FGF4: variants seen among roughly 807,000 people sequenced by gnomAD.
FGF4 encodes heparin secretory transforming protein 1.
In FGF4, 9 loss-of-function variants were observed where a neutral mutation model predicts 15.7. The observed-to-expected ratio is 0.57, with a 90% CI of 0.35 to 1.00. The LOEUF (loss-of-function observed/expected upper bound fraction) is 1.00. FGF4 is among the 50% of genes least tolerant of loss of function. FGF4 has a pLI of 0.02. For synonymous variants in FGF4, 164 were observed against 144.8 expected (o/e 1.13, Z -0.95); for missense variants, 286 against 297.3 (o/e 0.96, Z 0.28).
Position 69,775,204 on chromosome 11 carries a change from C to T in FGF4, c.-120G>A. ...CCGACCTCGGGCAGGAGTGCGCAAC[C>T]GAGGAGGTGCGGGAGGCAAGCGACG... is the stretch of plus-strand genomic sequence containing the variant. On this transcript the variant is annotated 5_prime_UTR_variant, in exon 1 of 3. Transcript: ENST00000168712. 1.6e-6 allele frequency: 1 copy of T among 633,656 alleles called. No individual in the cohort carries two copies. Among genetic ancestry groups the T allele is most frequent in the Non-Finnish European group, 2.3e-6 (1 of 442,084 alleles). 39.3% of individuals were successfully genotyped at this position (633,656 alleles called of 1,614,324 possible). A position where few individuals can be genotyped will look rare whatever the true frequency, so the allele number is the denominator to read the frequency against.
Position 69,773,123 on chromosome 11 carries a change from T to G in FGF4, c.*186A>C. 4.1e-6 allele frequency: 2 copies of G among 484,938 alleles called. No individual in the cohort carries two copies. Among genetic ancestry groups the G allele is most frequent in the Non-Finnish European group, 7.2e-6 (2 of 278,380 alleles). 30.0% of individuals were successfully genotyped at this position (484,938 alleles called of 1,614,324 possible). A position where few individuals can be genotyped will look rare whatever the true frequency, so the allele number is the denominator to read the frequency against. On this transcript the variant is annotated 3_prime_UTR_variant, in exon 3 of 3. Coordinates refer to ENST00000168712, the MANE Select transcript of FGF4 (RefSeq NM_002007.4). The stretch of plus-strand genomic sequence containing the variant: ...TTTGTCTTTTTTTCCCCCCAGAAAA[T>G]TAAAAAACACACCCGCAGAACTATA...
At chr11:69,774,466 C>T (rs1234494893) in intron 1 of FGF4, among the ~76,000 whole-genome samples, 1 of 152,210 alleles carries the variant, frequency 6.6e-6, no homozygotes, top group Non-Finnish European at 1.5e-5. Context: ...CACCGCGCGC[C>T]CTGTGCCCAC....
rs1328765335 is a variant in FGF4, at chr11:69,774,216, G to C, written c.341-89C>G. 3.7e-6 allele frequency: 4 copies of C among 1,095,782 alleles called. 1 individual carries two copies. The East Asian group carries it at 9.9e-5, about 27-fold the overall frequency. The allele number at this position is 1,095,782 out of a possible 1,614,324, so 67.9% of individuals were successfully genotyped here. ...GTTCGCCTCCGGGGACCCTATTTCT[G>C]GGGTGGGGTTGGGGATAAAGGGCCA... On this transcript the variant is annotated intron_variant, in intron 1 of 2. Coordinates refer to ENST00000168712, the MANE Select transcript of FGF4 (RefSeq NM_002007.4).
rs1275060596 is a variant in FGF4 at position 69,773,118 on chromosome 11, G to C, written c.*191C>G. On this transcript the variant is annotated 3_prime_UTR_variant, in exon 3 of 3. Transcript: ENST00000168712. ...TTTGTTTTGTCTTTTTTTCCCCCCA[G>C]AAAATTAAAAAACACACCCGCAGAA... 2 of 482,292 alleles carry C rather than the reference G, an allele frequency of 4.1e-6. No individual in the cohort carries two copies. Among genetic ancestry groups the C allele is most frequent in the Non-Finnish European group, 7.2e-6 (2 of 276,052 alleles). 29.9% of individuals were successfully genotyped at this position (482,292 alleles called of 1,614,324 possible).
chr11:69,774,990 G>A lies in FGF4; in HGVS notation c.95C>T (p.Pro32Leu), dbSNP rs769732384. 2 of 1,458,668 alleles carry A rather than the reference G, an allele frequency of 1.4e-6. No individual in the cohort carries two copies. The highest frequency in any genetic ancestry group is 1.8e-6 in the Non-Finnish European group (2 of 1,112,378). The allele number at this position is 1,458,668 out of a possible 1,614,324, so 90.4% of individuals were successfully genotyped here. A position where few individuals can be genotyped will look rare whatever the true frequency, so the allele number is the denominator to read the frequency against. ...PWAGRGGAAA[P>L]TAPNGTLEAE... is the part of the protein sequence containing the mutation. ...CTCCAGCGTGCCGTTGGGTGCAGTG[G>A]GTGCGGCGGCGCCCCCTCGGCCCGC... The change falls in exon 1 of 3, where the codon CCC becomes CTC. Residue 32 changes from proline (P) to leucine (L), a missense_variant. Physicochemically the swap from Pro to Leu is moderately conservative, Grantham distance 98. Coordinates refer to ENST00000168712, the MANE Select transcript of FGF4 (RefSeq NM_002007.4).
intron 2 of FGF4, 96 bp from the exon 3 acceptor site, chr11:69,773,581 C>T (rs1299498165): frequency 1.8e-6 from 2 of 1,090,756 alleles, no homozygotes; most frequent in Non-Finnish European, 1.4e-6. Flanking sequence ...GTCCCACCCC[C>T]CACCCTGGGC....
At position 69,773,358 on chromosome 11, in the gene FGF4, T is replaced by C. The variant is rs1855597766; in HGVS notation, c.572A>G (p.Asn191Ser). Residue 191 changes from asparagine (N) to serine (S), a missense_variant, in exon 3 of 3, where the codon AAC becomes AGC. Asn to Ser is a conservative substitution (Grantham distance 46, BLOSUM62 1). Coordinates refer to ENST00000168712, the MANE Select transcript of FGF4 (RefSeq NM_002007.4). ...LSKNGKTKKG[N>S]RVSPTMKVTH... ...GACCTTCATGGTGGGCGACACTCGG[T>C]TCCCCTTCTTGGTCTTCCCATTCTT... 1 of 1,614,028 alleles carries C rather than the reference T, an allele frequency of 6.2e-7. No homozygotes were observed. Among genetic ancestry groups the C allele is most frequent in the African/African-American group, 1.3e-5 (1 of 74,914 alleles).
In FGF4 at chr11:69,773,384, G is replaced by A; in HGVS notation, c.546C>T (p.Ser182=). The A allele has an allele frequency of 5.6e-6, 9 of 1,614,162 alleles. No homozygotes were observed. The highest frequency in any genetic ancestry group is 7.6e-6 in the Non-Finnish European group (9 of 1,180,030). ...TCCCCTTCTTGGTCTTCCCATTCTT[G>A]CTCAGGGCGATGAACATGCCGGGGT... The part of the protein sequence containing the change: ...YKYPGMFIAL[S]KNGKTKKGNR... Residue 182 remains serine (S), a synonymous_variant, in exon 3 of 3, where the codon AGC becomes AGT. Coordinates refer to ENST00000168712, the MANE Select transcript of FGF4 (RefSeq NM_002007.4).
In FGF4 at chr11:69,775,155, G is replaced by A. The variant is rs1279120729; in HGVS notation, c.-71C>T. 3 of 1,045,352 alleles carry A rather than the reference G, an allele frequency of 2.9e-6. No individual in the cohort carries two copies. Among genetic ancestry groups the A allele is most frequent in the Admixed American group, 4.3e-5 (1 of 23,050 alleles). 64.8% of individuals were successfully genotyped at this position (1,045,352 alleles called of 1,614,324 possible). On this transcript the variant is annotated 5_prime_UTR_variant, in exon 1 of 3. Transcript: ENST00000168712. ...GAAGCTGGGGGGCAGAGCTGCGCCT[G>A]TGGCGTCCCGCGGGAGCGCACGGCC...
At position 69,774,932 on chromosome 11, in the gene FGF4, C is replaced by T. The variant is rs569711688; in HGVS notation, c.153G>A (p.Val51=). The T allele has an allele frequency of 5.4e-6, 8 of 1,481,328 alleles. No individual in the cohort carries two copies. The East Asian group carries it at 2.4e-4, about 44-fold the overall frequency. 91.8% of individuals were successfully genotyped at this position (1,481,328 alleles called of 1,614,324 possible). A position where few individuals can be genotyped will look rare whatever the true frequency, so the allele number is the denominator to read the frequency against. ...AELERRWESL[V]ALSLARLPVA... ...CCGGCAGGCGCGCCAACGAGAGCGC[C>T]ACCAGGCTCTCCCAGCGGCGCTCCA... The change falls in exon 1 of 3, where the codon GTG becomes GTA. Residue 51 remains valine (V), a synonymous_variant. Coordinates refer to ENST00000168712, the MANE Select transcript of FGF4 (RefSeq NM_002007.4).
intron 1 of FGF4, 128 bp downstream of exon 1, chr11:69,774,617 G>A (rs532631704): frequency 1.8e-5 from 12 of 651,944 alleles, no homozygotes; most frequent in East Asian, 3.5e-5. Context: ...ACCGGAGCCC[G>A]AGTCCGCCCC....
intron 2 of FGF4, among the ~76,000 whole-genome samples, 153 bp from the exon 3 acceptor site, chr11:69,773,638 T>TGAGAA (rs1340118967): frequency 7.0e-6 from 1 of 143,424 alleles, no homozygotes; most frequent in Non-Finnish European, 1.5e-5. Flanking sequence ...CCACACAGGG[T>TGAGAA]GAGAAGGGGA....
At chr11:69,774,714 C>T in intron 1 of FGF4, 31 bp downstream of exon 1, 1 of 1,398,790 alleles carries the variant, frequency 7.1e-7, no homozygotes, top group Non-Finnish European at 9.2e-7. Context: ...CCCCCCGCCC[C>T]CGCCCCTTCG....
chr11:69,774,173 C>G (rs776447972), intron 1 of FGF4, 46 bp from the exon 2 acceptor site: 1 of 1,470,952 alleles, frequency 6.8e-7, no homozygotes, highest in Non-Finnish European at 9.4e-7. Context: ...ATCCCTGGCC[C>G]ACTCCGCCCC....
chr11:69,773,453 C>T lies in FGF4; in HGVS notation c.477G>A (p.Glu159=), dbSNP rs112765358. 27 of 1,614,080 alleles carry T rather than the reference C, an allele frequency of 1.7e-5. No individual in the cohort carries two copies. In the East Asian group the frequency reaches 2.2e-4, roughly 13 times the overall value. The change falls in exon 3 of 3, where the codon GAG becomes GAA. Residue 159 remains glutamate, a synonymous_variant. Coordinates refer to ENST00000168712, the MANE Select transcript of FGF4 (RefSeq NM_002007.4). ...PFFTDECTFK[E]ILLPNNYNAY... is the part of the protein sequence containing the mutation. ...CGTTGTAGTTGTTGGGAAGGAGAAT[C>T]TCCTTGAACGTGCACTCATCGGTGA...
At chr11:69,773,896 T>C in intron 2 of FGF4, 128 bp downstream of exon 2, 1 of 704,360 alleles carries the variant, frequency 1.4e-6, no homozygotes, top group East Asian at 2.7e-5. Flanking sequence ...GGCCTGCCGG[T>C]CCCGTGACCT....
rs961658949 is a variant in FGF4, at chr11:69,775,249, T to C, written c.-165A>G. The C allele has an allele frequency of 1.2e-5, 5 of 426,296 alleles. No individual in the cohort carries two copies. Among genetic ancestry groups the C allele is most frequent in the African/African-American group, 1.0e-4 (5 of 48,744 alleles). The allele number at this position is 426,296 out of a possible 1,614,324, so 26.4% of individuals were successfully genotyped here. A position where few individuals can be genotyped will look rare whatever the true frequency, so the allele number is the denominator to read the frequency against. On this transcript the variant is annotated 5_prime_UTR_variant, in exon 1 of 3. Transcript: ENST00000168712. ...GCGACGGGGCCCCCGGGCGCCGGGC[T>C]CTACCCCGGCTGCATGGAGCGGCGA...
chr11:69,774,961 C>T lies in FGF4; in HGVS notation c.124G>A (p.Glu42Lys), dbSNP rs1359046966. The T allele has an allele frequency of 1.4e-6, 2 of 1,475,348 alleles. No homozygotes were observed. Among genetic ancestry groups the T allele is most frequent in the East Asian group, 3.0e-5 (1 of 33,440 alleles). 91.4% of individuals were successfully genotyped at this position (1,475,348 alleles called of 1,614,324 possible). A position where few individuals can be genotyped will look rare whatever the true frequency, so the allele number is the denominator to read the frequency against. Residue 42 changes from glutamate to lysine, a missense_variant, in exon 1 of 3, where the codon GAG becomes AAG. Coordinates refer to ENST00000168712, the MANE Select transcript of FGF4 (RefSeq NM_002007.4). ...PTAPNGTLEA[E>K]LERRWESLVA... Reference sequence around the variant, plus strand: ...AGGCTCTCCCAGCGGCGCTCCAGCTCGGCCTCCAGCGTGCCGTTGGGTGCA... The same window carrying T: ...AGGCTCTCCCAGCGGCGCTCCAGCTTGGCCTCCAGCGTGCCGTTGGGTGCA...
rs769333278 is a variant in FGF4, at chr11:69,772,530, A to C, written c.*779T>G. ...ACTAGGGTTTTGTTTGTGATTGCAA[A>C]TACACTATCTTGTCCATTTCTAGCC... On this transcript the variant is annotated 3_prime_UTR_variant, in exon 3 of 3. Coordinates refer to ENST00000168712, the MANE Select transcript of FGF4 (RefSeq NM_002007.4). 1 of 152,226 alleles carries C rather than the reference A, an allele frequency of 6.6e-6. No individual in the cohort carries two copies. Among genetic ancestry groups the C allele is most frequent in the Non-Finnish European group, 1.5e-5 (1 of 68,054 alleles). 9.4% of individuals were successfully genotyped at this position (152,226 alleles called of 1,614,324 possible).
Sources: allele counts gnomAD v4.1 joint callset (sites outside exome capture counted in the v4.1 genomes callset), GRCh38; gene constraint gnomAD v4.1.1; transcripts MANE v1.5; gene names NCBI Gene and HGNC (gene_info 2026-07-23, HGNC 2026-07-21).